PTPRD: variants seen among roughly 807,000 people sequenced by gnomAD.
PTPRD encodes receptor-type tyrosine-protein phosphatase delta.
Under a neutral mutation model 214.5 loss-of-function variants are expected in PTPRD, and 34 were observed. The observed-to-expected ratio is 0.16, with a 90% confidence interval of 0.12 to 0.21. PTPRD has a LOEUF of 0.21. PTPRD is among the 10% of genes least tolerant of loss of function. PTPRD has a pLI of 1.00. For synonymous variants in PTPRD, 1,128 were observed against 845.7 expected, an observed-to-expected ratio of 1.33 and a Z score of -5.79; for missense variants, 2,545 against 2,398.7, an observed-to-expected ratio of 1.06 and a Z score of -1.27.
At chr9:8,643,651 A>G (rs950709339) in intron 12 of PTPRD, among the ~76,000 whole-genome samples, 2 of 152,218 alleles carry the variant, frequency 1.3e-5, no homozygotes, top group Non-Finnish European at 2.9e-5. Context: ...ATCTCAGAGC[A>G]GAGTTGAGGC....
At chr9:10,053,464 A>G (rs2097569197) in intron 3 of PTPRD, among the ~76,000 whole-genome samples, 1 of 152,148 alleles carries the variant, frequency 6.6e-6, no homozygotes, top group Non-Finnish European at 1.5e-5. Flanking sequence ...GTGAAATGTG[A>G]TGTATTGTAA....
At chr9:10,235,359 T>A (rs764093870) in intron 3 of PTPRD, among the ~76,000 whole-genome samples, 6 of 151,856 alleles carry the variant, frequency 4.0e-5, no homozygotes, top group African/African-American at 1.5e-4. Flanking sequence ...TTAAAAACAA[T>A]CATCACTGTG....
chr9:8,766,453 T>C (rs1000973434), intron 11 of PTPRD, among the ~76,000 whole-genome samples: 34 of 152,184 alleles, frequency 2.2e-4, no homozygotes, highest in African/African-American at 8.2e-4. Flanking sequence ...TCCAGCCTCC[T>C]GCAATTCTGA....
chr9:10,571,382 A>G (rs1384498855), intron 2 of PTPRD, among the ~76,000 whole-genome samples: 1 of 152,144 alleles, frequency 6.6e-6, no homozygotes, highest in Non-Finnish European at 1.5e-5. Context: ...TTTCTTTATG[A>G]GTAGAGGATA....
intron 3 of PTPRD, among the ~76,000 whole-genome samples, chr9:10,113,723 G>T (rs1396111578): frequency 2.6e-5 from 4 of 152,126 alleles, no homozygotes; most frequent in Non-Finnish European, 4.4e-5. Flanking sequence ...AAATCTTTAA[G>T]ACAATGCTTC....
chr9:8,370,544 G>C (rs2081232354), intron 39 of PTPRD, among the ~76,000 whole-genome samples: 1 of 152,086 alleles, frequency 6.6e-6, no homozygotes, highest in Non-Finnish European at 1.5e-5. Context: ...ATGATTGGTA[G>C]CTATTGTGAT....
chr9:9,503,569 T>C (rs566474396), intron 8 of PTPRD, among the ~76,000 whole-genome samples: 2 of 151,878 alleles, frequency 1.3e-5, no homozygotes, highest in South Asian at 4.1e-4. Flanking sequence ...AATGATCATA[T>C]GGTTTAGTCA....
At chr9:10,286,610 G>T (rs1477754953) in intron 3 of PTPRD, among the ~76,000 whole-genome samples, 1 of 151,954 alleles carries the variant, frequency 6.6e-6, no homozygotes, top group Non-Finnish European at 1.5e-5. Context: ...TTGTTTGCTT[G>T]CTTTTGAGAC....
intron 39 of PTPRD, among the ~76,000 whole-genome samples, chr9:8,343,954 G>A: frequency 6.6e-6 from 1 of 151,986 alleles, no homozygotes; most frequent in East Asian, 1.9e-4. Flanking sequence ...AGTACCCGAG[G>A]ACTCCTCTGC....
intron 10 of PTPRD, among the ~76,000 whole-genome samples, chr9:9,113,142 T>C (rs903610376): frequency 6.6e-6 from 1 of 151,482 alleles, no homozygotes; most frequent in Non-Finnish European, 1.5e-5. Context: ...TTAAAAAATA[T>C]ATATATATTA....
rs372600933 is a variant in PTPRD, at chr9:9,102,504, G to C, written c.-143+80800C>G. 3.3e-5 allele frequency among the ~76,000 whole-genome samples: 5 copies of C among 152,316 alleles called. No homozygotes were observed. In the South Asian group the frequency reaches 1.0e-3, roughly 32 times the overall value. The stretch of plus-strand genomic sequence containing the variant: ...GCCTTCAGCCATTTGGCGTTCAGAA[G>C]CATGTAAGCCAGATTTGCTCCAAGA... On this transcript the variant is annotated intron_variant, in intron 10 of 45. Coordinates refer to ENST00000381196, the MANE Select transcript of PTPRD (RefSeq NM_002839.4).
At chr9:8,985,558 C>T (rs973633411) in intron 11 of PTPRD, among the ~76,000 whole-genome samples, 1 of 151,186 alleles carries the variant, frequency 6.6e-6, no homozygotes, top group Non-Finnish European at 1.5e-5. Flanking sequence ...TATGGTTGAG[C>T]AATTTGCTCA....
intron 9 of PTPRD, among the ~76,000 whole-genome samples, chr9:9,294,630 C>T (rs139288705): frequency 2.0e-5 from 3 of 151,560 alleles, no homozygotes; most frequent in African/African-American, 7.3e-5. Flanking sequence ...AAGAGGTCAA[C>T]GTTAACTCAT....
chr9:9,335,606 G>C (rs997270820), intron 9 of PTPRD, among the ~76,000 whole-genome samples: 6 of 152,046 alleles, frequency 3.9e-5, no homozygotes, highest in African/African-American at 1.4e-4. Flanking sequence ...GAATTTAACA[G>C]TGTTAAAATA....
chr9:9,746,707 C>A (rs1008704379), intron 6 of PTPRD, among the ~76,000 whole-genome samples: 1 of 151,550 alleles, frequency 6.6e-6, no homozygotes, highest in African/African-American at 2.4e-5. Context: ...ACCCAGCAGG[C>A]AATAATATAC....
chr9:10,603,541 G>A (rs1008216399), intron 2 of PTPRD, among the ~76,000 whole-genome samples: 1 of 151,812 alleles, frequency 6.6e-6, no homozygotes, highest in Non-Finnish European at 1.5e-5. Context: ...GGGAAAATAC[G>A]TTATTAACTT....
intron 9 of PTPRD, among the ~76,000 whole-genome samples, chr9:9,315,886 C>T (rs1205788525): frequency 1.6e-5 from 2 of 123,788 alleles, no homozygotes; most frequent in African/African-American, 3.0e-5. Context: ...AAAAGTTACA[C>T]AAAGAACCTC....
At chr9:9,114,197 C>T (rs879409765) in intron 10 of PTPRD, among the ~76,000 whole-genome samples, 39 of 152,100 alleles carry the variant, frequency 2.6e-4, no homozygotes, top group Non-Finnish European at 3.4e-4. Flanking sequence ...GGTCTGATTC[C>T]AATTACTCAG....
chr9:10,168,391 T>C (rs1253812342), intron 3 of PTPRD, among the ~76,000 whole-genome samples: 2 of 152,068 alleles, frequency 1.3e-5, no homozygotes, highest in Non-Finnish European at 1.5e-5. Context: ...TGTGTAATGA[T>C]CTACACTATT....
Sources: gnomAD v4.1 joint callset for allele counts (sites outside exome capture counted in the v4.1 genomes callset) on GRCh38, gnomAD v4.1.1 for gene constraint, MANE v1.5 for transcripts, NCBI Gene and HGNC (gene_info 2026-07-23, HGNC 2026-07-21) for gene names.